HERC3: variants seen among roughly 807,000 people sequenced by gnomAD.
HERC3 encodes probable E3 ubiquitin-protein ligase HERC3.
Under a neutral mutation model 129.9 loss-of-function variants are expected in HERC3, and 58 were observed. That is an observed-to-expected ratio of 0.45 (90% CI 0.36 to 0.56). The LOEUF (loss-of-function observed/expected upper bound fraction) is 0.56, where lower values mean the gene tolerates loss of function less well. Ranked by LOEUF, HERC3 falls within the 20% of genes least tolerant of loss-of-function variation. The pLI is 0.00. For synonymous variants in HERC3, 430 were observed against 451.0 expected, an observed-to-expected ratio of 0.95 and a Z score of 0.59; for missense variants, 835 against 1,244.2, an observed-to-expected ratio of 0.67 and a Z score of 4.95.
chr4:88,633,495 AATT>A (rs1432293249), intron 3 of HERC3, among the ~76,000 whole-genome samples: 1 of 152,218 alleles, frequency 6.6e-6, no homozygotes, highest in Non-Finnish European at 1.5e-5. Context: ...CTGAAAAGAT[AATT>A]ATTGTAATTC....
At chr4:88,671,013 T>G (rs1389806838) in intron 16 of HERC3, among the ~76,000 whole-genome samples, 1 of 151,868 alleles carries the variant, frequency 6.6e-6, no homozygotes, top group East Asian at 1.9e-4. Flanking sequence ...ATTATGTGTG[T>G]GAAAGTGTCA....
chr4:88,634,355 C>A (rs992297753), intron 3 of HERC3, among the ~76,000 whole-genome samples: 8 of 152,192 alleles, frequency 5.3e-5, no homozygotes, highest in Admixed American at 1.3e-4. Context: ...CAGCCACCAC[C>A]ACTGCTGTGG....
In HERC3 at chr4:88,652,036, A is replaced by G; in HGVS notation, c.411A>G (p.Gln137=). The change falls in exon 5 of 26, where the codon CAA becomes CAG. Residue 137 remains glutamine (Q), a synonymous_variant. Transcript: ENST00000402738. ...GGTTAATACAAAAGCTGAACCAGCA[A>G]ACAATATTACAAGTTTCCTGTGGCA... is the stretch of plus-strand genomic sequence containing the variant. ...VPRLIQKLNQ[Q]TILQVSCGNW... is the part of the protein sequence containing the mutation. 6.2e-7 allele frequency: 1 copy of G among 1,614,006 alleles called. No individual in the cohort carries two copies. Among genetic ancestry groups the G allele is most frequent in the Non-Finnish European group, 8.5e-7 (1 of 1,179,844 alleles).
the HERC3 span, among the ~76,000 whole-genome samples, chr4:88,570,415 A>G: frequency 2.0e-5 from 3 of 152,230 alleles, no homozygotes; most frequent in South Asian, 6.2e-4. Flanking sequence ...AAATGTTTCA[A>G]AAATGCAATG....
chr4:88,585,823 A>T, the HERC3 span, among the ~76,000 whole-genome samples: 5,100 of 152,234 alleles, frequency 0.034, 285 homozygotes, highest in East Asian at 0.27. Context: ...ATTGCTTTTT[A>T]CTTAACTAGA....
chr4:88,552,027 C>G, the HERC3 span, among the ~76,000 whole-genome samples: 1 of 151,364 alleles, frequency 6.6e-6, no homozygotes, highest in East Asian at 1.9e-4. Flanking sequence ...AGTAAACTAT[C>G]GCAAGGACAA....
chr4:88,651,938 T>G (rs1015036906), intron 4 of HERC3, 74 bp from the exon 5 acceptor site: 15 of 1,067,342 alleles, frequency 1.4e-5, no homozygotes, highest in Non-Finnish European at 2.2e-5. Flanking sequence ...ACATTTTATT[T>G]AATTGGGAAT....
chr4:88,534,835 T>A, the HERC3 span, among the ~76,000 whole-genome samples: 2 of 152,210 alleles, frequency 1.3e-5, no homozygotes, highest in African/African-American at 4.8e-5. Context: ...TTTTACTTTG[T>A]GTGTGTTTTC....
At chr4:88,596,890 A>G (rs1215281955) in intron 2 of HERC3, among the ~76,000 whole-genome samples, 1 of 152,184 alleles carries the variant, frequency 6.6e-6, no homozygotes, top group African/African-American at 2.4e-5. Flanking sequence ...TAATCTCCAA[A>G]TAATATATTT....
chr4:88,559,559 G>A, the HERC3 span, among the ~76,000 whole-genome samples: 1 of 152,082 alleles, frequency 6.6e-6, no homozygotes, highest in African/African-American at 2.4e-5. Context: ...TTCTGTGTCT[G>A]GCTTATTTCC....
At chr4:88,524,071 C>T in the HERC3 span, 1 of 295,682 alleles carries the variant, frequency 3.4e-6, no homozygotes. Context: ...TAGGCTTGGA[C>T]CTACGTGGTT....
At chr4:88,584,347 A>G in the HERC3 span, among the ~76,000 whole-genome samples, 3 of 152,160 alleles carry the variant, frequency 2.0e-5, no homozygotes. Context: ...TAAGCCATTT[A>G]CCCTCAGAAA....
chr4:88,625,014 T>C (rs560853895), intron 3 of HERC3, among the ~76,000 whole-genome samples: 1 of 152,352 alleles, frequency 6.6e-6, no homozygotes, highest in South Asian at 2.1e-4. Context: ...TGGCTGTGTG[T>C]GCTCGTCTTT....
intron 25 of HERC3, among the ~76,000 whole-genome samples, chr4:88,706,266 C>T (rs1735771041): frequency 6.6e-6 from 1 of 152,252 alleles, no homozygotes; most frequent in Admixed American, 6.5e-5. Context: ...CTCCCTCTCT[C>T]TCTTTTGCCA....
At chr4:88,612,201 A>G (rs898884818) in intron 3 of HERC3, among the ~76,000 whole-genome samples, 1 of 151,522 alleles carries the variant, frequency 6.6e-6, no homozygotes, top group African/African-American at 2.4e-5. Flanking sequence ...ACAGTTAACT[A>G]TTGCTGTTGC....
chr4:88,681,713 TA>T (rs1238371057), intron 21 of HERC3, among the ~76,000 whole-genome samples: 1 of 152,234 alleles, frequency 6.6e-6, no homozygotes, highest in African/African-American at 2.4e-5. Flanking sequence ...GCAAAATAGA[TA>T]CACATATTTT....
the HERC3 span, among the ~76,000 whole-genome samples, chr4:88,528,598 A>G: frequency 6.6e-6 from 1 of 152,262 alleles, no homozygotes; most frequent in East Asian, 1.9e-4. Flanking sequence ...AGAGGGTCCT[A>G]GGTCCAGGCT....
chr4:88,592,153 G>T (rs1721750624), upstream of HERC3, among the ~76,000 whole-genome samples: 1 of 152,252 alleles, frequency 6.6e-6, no homozygotes, highest in South Asian at 2.1e-4. Flanking sequence ...GGCAACCGCT[G>T]ATCGGTCCAG....
chr4:88,687,367 C>T, intron 23 of HERC3, 68 bp downstream of exon 23: 1 of 1,045,140 alleles, frequency 9.6e-7, no homozygotes, highest in Admixed American at 2.3e-5. Flanking sequence ...CATTTAAGAC[C>T]AAAATAAAAA....
Sources: allele counts gnomAD v4.1 joint callset (sites outside exome capture counted in the v4.1 genomes callset), GRCh38; gene constraint gnomAD v4.1.1; transcripts MANE v1.5; gene names NCBI Gene and HGNC (gene_info 2026-07-23, HGNC 2026-07-21).